KCTD21: variants seen among roughly 807,000 people sequenced by gnomAD.
The protein encoded by KCTD21 is potassium channel tetramerization domain containing 21, also known as BTB/POZ domain-containing protein KCTD21.
In KCTD21, 9 loss-of-function variants were observed where a neutral mutation model predicts 13.2. The observed-to-expected ratio is 0.68, with a 90% CI of 0.41 to 1.19. The LOEUF is 1.19. KCTD21 is among the 50% of genes most tolerant of loss of function. The pLI, the probability that KCTD21 is intolerant of heterozygous loss-of-function variation, is 0.01. For synonymous variants in KCTD21, 142 were observed against 137.4 expected, an observed-to-expected ratio of 1.03 and a Z score of -0.23; for missense variants, 303 against 336.5, an observed-to-expected ratio of 0.90 and a Z score of 0.78.
intron 1 of KCTD21, among the ~76,000 whole-genome samples, chr11:78,185,045 T>A (rs565071397): frequency 6.6e-6 from 1 of 152,228 alleles, no homozygotes; most frequent in Non-Finnish European, 1.5e-5. Flanking sequence ...GCAGAAAATT[T>A]TGAATAACTA....
intron 1 of KCTD21, 135 bp from the exon 2 acceptor site, chr11:78,174,718 T>G: frequency 1.6e-6 from 1 of 634,148 alleles, no homozygotes; most frequent in Non-Finnish European, 2.8e-6. Flanking sequence ...TGGGTGATAA[T>G]TGCTAACACT....
chr11:78,186,236 C>T (rs1421218637), intron 1 of KCTD21, among the ~76,000 whole-genome samples: 1 of 150,892 alleles, frequency 6.6e-6, no homozygotes, highest in East Asian at 2.0e-4. Context: ...ATTAGCTGGG[C>T]ATGGTAACAC....
At chr11:78,187,410 A>C in intron 1 of KCTD21, 1 of 985,364 alleles carries the variant, frequency 1.0e-6, no homozygotes, top group Non-Finnish European at 1.2e-6. Context: ...AGACACAGGG[A>C]CCCCAGAATG....
In KCTD21 at chr11:78,173,031, G is replaced by T. The variant is rs1862325469; in HGVS notation, c.*741C>A. 6.6e-6 allele frequency: 1 copy of T among 152,550 alleles called. No individual in the cohort carries two copies. The highest frequency in any genetic ancestry group is 6.5e-5 in the Admixed American group (1 of 15,282). The allele number at this position is 152,550 out of a possible 1,614,324, so 9.4% of individuals were successfully genotyped here. A position where few individuals can be genotyped will look rare whatever the true frequency, so the allele number is the denominator to read the frequency against. ...AAAGTCAGGTAACAGGCTGGATTTG[G>T]AAGTGATTTCATTACACTGGCTACA... On this transcript the variant is annotated 3_prime_UTR_variant, in exon 2 of 2. Coordinates refer to ENST00000340067, the MANE Select transcript of KCTD21 (RefSeq NM_001029859.3).
chr11:78,183,408 C>T (rs893012463), intron 1 of KCTD21, among the ~76,000 whole-genome samples: 2 of 151,516 alleles, frequency 1.3e-5, no homozygotes, highest in African/African-American at 4.8e-5. Flanking sequence ...GGGTGGCGTG[C>T]GCCTGTTATT....
At chr11:78,176,564 G>A (rs1391073470) in intron 1 of KCTD21, among the ~76,000 whole-genome samples, 1 of 152,174 alleles carries the variant, frequency 6.6e-6, no homozygotes, top group South Asian at 2.1e-4. Context: ...TGGCAGGTAG[G>A]GATGCCAAGA....
chr11:78,182,250 C>T (rs754481797), intron 1 of KCTD21, among the ~76,000 whole-genome samples: 60 of 152,008 alleles, frequency 3.9e-4, no homozygotes, highest in Non-Finnish European at 7.1e-4. Flanking sequence ...CAAGACTGTG[C>T]CACTGCACTC....
intron 1 of KCTD21, chr11:78,188,026 T>A: frequency 1.0e-6 from 1 of 985,412 alleles, no homozygotes; most frequent in Non-Finnish European, 1.2e-6. Context: ...GATGGACTCT[T>A]TATTTCCAGT....
In KCTD21 at chr11:78,173,858, T is replaced by G. The variant is rs759951749; in HGVS notation, c.697A>C (p.Ser233Arg). The change falls in exon 2 of 2, where the codon AGC (serine) becomes CGC (arginine). Residue 233 changes from serine (S) to arginine (R), a missense_variant. By Grantham distance (110) the Ser-to-Arg change is moderately radical. Coordinates refer to ENST00000340067, the MANE Select transcript of KCTD21 (RefSeq NM_001029859.3). Reference sequence around the variant, plus strand: ...GAAGAATCGATGCAGAAGCCATCGCTCAGAGCGATTTTCAGTACCTCTTCC... The same window carrying G: ...GAAGAATCGATGCAGAAGCCATCGCGCAGAGCGATTTTCAGTACCTCTTCC... ...FVEEVLKIAL[S>R]DGFCIDSSHP... The G allele has an allele frequency of 1.9e-6, 3 of 1,614,066 alleles. No homozygotes were observed. The highest frequency in any genetic ancestry group is 1.7e-5 in the Admixed American group (1 of 60,002).
chr11:78,184,490 CCAT>C (rs1862716866), intron 1 of KCTD21, among the ~76,000 whole-genome samples: 1 of 152,082 alleles, frequency 6.6e-6, no homozygotes, highest in Non-Finnish European at 1.5e-5. Context: ...GCACACACCA[CCAT>C]GTCCGGCTAA....
intron 1 of KCTD21, chr11:78,187,725 T>C (rs1267601539): frequency 4.1e-6 from 4 of 985,312 alleles, no homozygotes; most frequent in East Asian, 2.3e-4. Context: ...AGGGCTGCCT[T>C]ACAGGCTGTC....
At chr11:78,185,126 A>C (rs1020028179) in intron 1 of KCTD21, among the ~76,000 whole-genome samples, 4 of 152,144 alleles carry the variant, frequency 2.6e-5, no homozygotes, top group Non-Finnish European at 2.9e-5. Context: ...GAACGCCCTT[A>C]TTAGGGGATA....
At chr11:78,176,617 AGAG>A (rs1247894685) in intron 1 of KCTD21, among the ~76,000 whole-genome samples, 1 of 152,206 alleles carries the variant, frequency 6.6e-6, no homozygotes, top group Non-Finnish European at 1.5e-5. Context: ...CTGTGCTGGT[AGAG>A]GAGATGAGAG....
chr11:78,184,873 G>A (rs1175939736), intron 1 of KCTD21, among the ~76,000 whole-genome samples: 1 of 151,948 alleles, frequency 6.6e-6, no homozygotes, highest in African/African-American at 2.4e-5. Context: ...AAGTAGCTGG[G>A]ACTACAGGTG....
At chr11:78,186,833 T>A (rs1017198852) in intron 1 of KCTD21, 1 of 985,468 alleles carries the variant, frequency 1.0e-6, no homozygotes, top group Non-Finnish European at 1.2e-6. Context: ...AGAATTTTAG[T>A]CTAACCCCTT....
In KCTD21 at chr11:78,174,236, C is replaced by T. The variant is rs763728478; in HGVS notation, c.319G>A (p.Glu107Lys). 9 of 1,614,024 alleles carry T rather than the reference C, an allele frequency of 5.6e-6. No homozygotes were observed. The highest frequency in any genetic ancestry group is 1.3e-5 in the African/African-American group (1 of 74,988). Residue 107 changes from glutamate (E) to lysine (K), a missense_variant, in exon 2 of 2, where the codon GAG becomes AAG. Transcript: ENST00000340067. ...GTGATGTTGAGCATGGCATTCTTCT[C>T]GGCCTTGGAGAGCTCCACTTCCTTC... ...QEKEVELSKA[E>K]KNAMLNITLN...
chr11:78,177,268 CCA>C (rs1862480797), intron 1 of KCTD21, among the ~76,000 whole-genome samples: 1 of 152,222 alleles, frequency 6.6e-6, no homozygotes, highest in Non-Finnish European at 1.5e-5. Context: ...TGATTCCTCC[CCA>C]GTCTAATGGG....
intron 1 of KCTD21, chr11:78,175,272 G>C (rs993647537): frequency 6.6e-6 from 1 of 150,814 alleles, no homozygotes; most frequent in African/African-American, 2.4e-5. Flanking sequence ...GCAGTGAGCC[G>C]GGACTGAACA....
At position 78,173,052 on chromosome 11, in the gene KCTD21, C is replaced by T. The variant is rs1046336521; in HGVS notation, c.*720G>A. 2.0e-5 allele frequency: 3 copies of T among 152,482 alleles called. No homozygotes were observed. The East Asian group carries it at 5.8e-4, about 29-fold the overall frequency. The allele number at this position is 152,482 out of a possible 1,614,324, so 9.4% of individuals were successfully genotyped here. On this transcript the variant is annotated 3_prime_UTR_variant, in exon 2 of 2. Coordinates refer to ENST00000340067, the MANE Select transcript of KCTD21 (RefSeq NM_001029859.3). ...TTTGGAAGTGATTTCATTACACTGGCTACAGATACTTGCACATTTTTGCAA... is the reference window on the plus strand; with the variant it reads ...TTTGGAAGTGATTTCATTACACTGGTTACAGATACTTGCACATTTTTGCAA...
Sources: allele counts gnomAD v4.1 joint callset (sites outside exome capture counted in the v4.1 genomes callset), GRCh38; gene constraint gnomAD v4.1.1; transcripts MANE v1.5; gene names NCBI Gene and HGNC (gene_info 2026-07-23, HGNC 2026-07-21).